Variants in PCDHGA7 observed in about 807,000 individuals in gnomAD.
PCDHGA7 encodes protocadherin gamma-A7.
Under a neutral mutation model 58.3 loss-of-function variants are expected in PCDHGA7, and 44 were observed. That is an observed-to-expected ratio of 0.75 (90% CI 0.59 to 0.97). PCDHGA7 has a LOEUF of 0.97. Among genes scored for constraint, PCDHGA7 ranks in the 50% least tolerant of loss-of-function variants. The pLI is 0.00. For synonymous variants in PCDHGA7, 516 were observed against 504.2 expected, an observed-to-expected ratio of 1.02 and a Z score of -0.31; for missense variants, 1,266 against 1,188.7, an observed-to-expected ratio of 1.06 and a Z score of -0.96.
chr5:141,478,599 T>A, intron 1 of PCDHGA7: 1 of 1,565,814 alleles, frequency 6.4e-7, no homozygotes, highest in Non-Finnish European at 8.7e-7. Flanking sequence ...TATTCCTACA[T>A]CATATTGAGG....
intron 1 of PCDHGA7, chr5:141,403,981 T>C (rs374013287): frequency 1.4e-5 from 23 of 1,613,600 alleles, no homozygotes; most frequent in Admixed American, 1.2e-4. Flanking sequence ...TAAATGACAA[T>C]AGACCTGAAG....
At chr5:141,419,663 G>T (rs1459319505) in intron 1 of PCDHGA7, 1 of 1,612,710 alleles carries the variant, frequency 6.2e-7, no homozygotes, top group Non-Finnish European at 8.5e-7. Flanking sequence ...GGGGCACAAT[G>T]CCTGGCTGTC....
In PCDHGA7 at chr5:141,433,322, T is replaced by A. The variant is rs907709272; in HGVS notation, c.2424+47999T>A. On this transcript the variant is annotated intron_variant, in intron 1 of 3. Transcript: ENST00000518325. ...AATTATCCCACCTTTGCCTCCGGTGTAACAGGGACTACAGGTGCAAGCCAC... is the reference window on the plus strand; with the variant it reads ...AATTATCCCACCTTTGCCTCCGGTGAAACAGGGACTACAGGTGCAAGCCAC... The A allele has an allele frequency of 5.3e-6, 4 of 760,298 alleles. No homozygotes were observed. In the African/African-American group the frequency reaches 7.1e-5, roughly 13 times the overall value. The allele number at this position is 760,298 out of a possible 1,614,324, so 47.1% of individuals were successfully genotyped here.
intron 2 of PCDHGA7, among the ~76,000 whole-genome samples, chr5:141,500,904 C>T (rs2099803610): frequency 6.6e-6 from 1 of 151,662 alleles, no homozygotes; most frequent in Non-Finnish European, 1.5e-5. Context: ...CAGTCTCGCT[C>T]TGTCTCCAGG....
Position 141,384,229 on chromosome 5 carries a change from G to A in PCDHGA7, c.1330G>A (p.Asp444Asn), listed in dbSNP as rs571021830. The A allele has an allele frequency of 3.1e-6, 5 of 1,613,904 alleles. No individual in the cohort carries two copies. In the South Asian group the frequency reaches 5.5e-5, roughly 18 times the overall value. Residue 444 changes from aspartate to asparagine, a missense_variant, in exon 1 of 4, where the codon GAC becomes AAC. Transcript: ENST00000518325. ...RETHIFMQVA[D>N]TNDNPPTFPH... The stretch of plus-strand genomic sequence containing the variant: ...AACTCACATATTCATGCAGGTGGCA[G>A]ACACCAACGATAACCCACCCACCTT...
Position 141,491,019 on chromosome 5 carries a change from A to G in PCDHGA7, c.2425-3788A>G. 5 of 1,614,116 alleles carry G rather than the reference A, an allele frequency of 3.1e-6. No individual in the cohort carries two copies. The highest frequency in any genetic ancestry group is 4.2e-6 in the Non-Finnish European group (5 of 1,180,026). ...CTGGCTCCTTGGTCACCAAGGTGAC[A>G]GCCGTGGATGCTGATGCAGGCCACA... On this transcript the variant is annotated intron_variant, in intron 1 of 3. Coordinates refer to ENST00000518325, the MANE Select transcript of PCDHGA7 (RefSeq NM_018920.4). This position sits in a 1 kb window ranked among gnomAD's most constrained non-coding sequence, Gnocchi z 6.9.
intron 1 of PCDHGA7, among the ~76,000 whole-genome samples, chr5:141,435,245 G>A (rs577996994): frequency 6.6e-6 from 1 of 152,132 alleles, no homozygotes; most frequent in Admixed American, 6.5e-5. Context: ...ATTCTTTCTG[G>A]CCATTAGGGA....
chr5:141,422,349 T>C (rs768693451), intron 1 of PCDHGA7: 95 of 1,554,604 alleles, frequency 6.1e-5, no homozygotes, highest in Non-Finnish European at 8.2e-5. Flanking sequence ...ATGTGCAAGA[T>C]CAAGATTCTG....
intron 1 of PCDHGA7, chr5:141,423,881 G>A (rs2096788712): frequency 7.8e-7 from 1 of 1,281,784 alleles, no homozygotes; most frequent in Non-Finnish European, 9.9e-7. Flanking sequence ...TTCAATCTTG[G>A]CATATTTTCT....
intron 1 of PCDHGA7, chr5:141,414,343 A>G: frequency 1.9e-6 from 3 of 1,613,882 alleles, no homozygotes; most frequent in Non-Finnish European, 2.5e-6. Flanking sequence ...AACCTGTTCC[A>G]TTTTGGCGTA....
chr5:141,445,303 G>A (rs145466142), intron 1 of PCDHGA7, among the ~76,000 whole-genome samples: 327 of 152,332 alleles, frequency 2.1e-3, no homozygotes, highest in African/African-American at 7.6e-3. Context: ...ATTCTCTTCA[G>A]TTTGTAGGTT....
intron 2 of PCDHGA7, among the ~76,000 whole-genome samples, chr5:141,499,869 G>A (rs1247615457): frequency 3.3e-5 from 5 of 151,938 alleles, no homozygotes; most frequent in Non-Finnish European, 5.9e-5. Context: ...TGTATTTTCA[G>A]TACAAACAGG....
Position 141,477,099 on chromosome 5 carries a change from G to C in PCDHGA7, c.2425-17708G>C. On this transcript the variant is annotated intron_variant, in intron 1 of 3. Transcript: ENST00000518325. This position sits in a 1 kb window ranked among gnomAD's most constrained non-coding sequence, Gnocchi z 4.9. ...ATTTACATCCAGGCCAAAGACAAGG[G>C]CGCCAATCCCGAAGGAGCACATTGC... 6.2e-7 allele frequency: 1 copy of C among 1,614,256 alleles called. No individual in the cohort carries two copies. Among genetic ancestry groups the C allele is most frequent in the Non-Finnish European group, 8.5e-7 (1 of 1,180,054 alleles).
intron 1 of PCDHGA7, among the ~76,000 whole-genome samples, chr5:141,438,747 T>C (rs2098059577): frequency 6.7e-6 from 1 of 148,680 alleles, no homozygotes. Flanking sequence ...CTGCAACCTC[T>C]GCCTCCTGGG....
At chr5:141,389,325 C>A (rs368804822) in intron 1 of PCDHGA7, 3 of 1,614,004 alleles carry the variant, frequency 1.9e-6, no homozygotes, top group Non-Finnish European at 2.5e-6. Flanking sequence ...GGACTTGGGG[C>A]CCAACGGCCA....
intron 1 of PCDHGA7, chr5:141,415,947 C>G: frequency 1.9e-6 from 1 of 532,382 alleles, no homozygotes; most frequent in Non-Finnish European, 2.8e-6. Flanking sequence ...CCTGGGTGGT[C>G]ACATATTGAA....
At position 141,423,686 on chromosome 5, in the gene PCDHGA7, A is replaced by T. The variant is rs752078243; in HGVS notation, c.2424+38363A>T. 10 of 1,328,296 alleles carry T rather than the reference A, an allele frequency of 7.5e-6. No homozygotes were observed. The East Asian group carries it at 3.6e-4, about 47-fold the overall frequency. The allele number at this position is 1,328,296 out of a possible 1,614,324, so 82.3% of individuals were successfully genotyped here. The stretch of plus-strand genomic sequence containing the variant: ...GTGAGATTTATTTCTCTGCCTCCTA[A>T]TTGTTGGTGTCTTGGCACAAGTCTT... On this transcript the variant is annotated intron_variant, in intron 1 of 3. Transcript: ENST00000518325.
At chr5:141,463,176 C>T (rs989201395) in intron 1 of PCDHGA7, among the ~76,000 whole-genome samples, 2 of 152,100 alleles carry the variant, frequency 1.3e-5, no homozygotes, top group African/African-American at 4.8e-5. Context: ...TATGTATGCT[C>T]AGATTATTAT....
chr5:141,428,609 A>G, intron 1 of PCDHGA7: 1 of 215,052 alleles, frequency 4.7e-6, no homozygotes, highest in South Asian at 7.9e-5. Context: ...ACTGAAGAGA[A>G]TAACAAGATA....
Sources: gnomAD v4.1 joint callset for allele counts (sites outside exome capture counted in the v4.1 genomes callset) on GRCh38, gnomAD v4.1.1 for gene constraint, Gnocchi (gnomAD v3.1) non-coding constraint, MANE v1.5 for transcripts, NCBI Gene and HGNC (gene_info 2026-07-23, HGNC 2026-07-21) for gene names.